Variants in USH2A observed in about 807,000 individuals in gnomAD.
USH2A encodes usherin, also known as Usher syndrome 2A (autosomal recessive, mild).
USH2A carries 443 observed loss-of-function variants against 538.9 expected under a neutral mutation model. That is an observed-to-expected ratio of 0.82 (90% CI 0.76 to 0.89). USH2A has a LOEUF of 0.89. USH2A is among the 40% of genes least tolerant of loss of function. USH2A has a pLI of 0.00. For missense variants in USH2A, 6,633 were observed against 6,324.8 expected (o/e 1.05, Z -1.65); for synonymous variants, 2,413 against 2,273.5 (o/e 1.06, Z -1.75).
At chr1:215,898,777 C>T (rs545233045) in intron 40 of USH2A, among the ~76,000 whole-genome samples, 9 of 152,234 alleles carry the variant, frequency 5.9e-5, no homozygotes, top group Non-Finnish European at 1.2e-4. Flanking sequence ...AGTGTGAAGT[C>T]TTCAGTCCAT....
intron 11 of USH2A, among the ~76,000 whole-genome samples, chr1:216,260,118 A>G (rs1396316885): frequency 6.6e-6 from 1 of 152,154 alleles, no homozygotes; most frequent in Non-Finnish European, 1.5e-5. Context: ...TGATACTTCA[A>G]TTAAAAAAAT....
At chr1:215,627,392 CCTTCCTT>C (rs1656070896) in intron 71 of USH2A, among the ~76,000 whole-genome samples, 2 of 32,494 alleles carry the variant, frequency 6.2e-5, no homozygotes, top group South Asian at 3.3e-3. Flanking sequence ...TTCTTTCCTT[CCTTCCTT>C]CCTTCCTTCC....
At chr1:215,837,443 T>A (rs1193847067) in intron 47 of USH2A, among the ~76,000 whole-genome samples, 1 of 152,176 alleles carries the variant, frequency 6.6e-6, no homozygotes, top group Non-Finnish European at 1.5e-5. Context: ...ATTATTGTTG[T>A]TGTTACTAAT....
intron 11 of USH2A, among the ~76,000 whole-genome samples, chr1:216,255,234 C>T (rs1414627547): frequency 2.0e-5 from 3 of 152,198 alleles, no homozygotes; most frequent in Admixed American, 2.0e-4. Flanking sequence ...ATGATCATCC[C>T]CATGAGATGC....
intron 65 of USH2A, 31 bp downstream of exon 65, chr1:215,650,561 C>G: frequency 1.2e-6 from 2 of 1,613,196 alleles, no homozygotes; most frequent in Non-Finnish European, 1.7e-6. Context: ...TAAAAGTCAA[C>G]CAGTCCTGGA....
At chr1:216,151,297 CA>C (rs1460587427) in intron 21 of USH2A, among the ~76,000 whole-genome samples, 2 of 152,080 alleles carry the variant, frequency 1.3e-5, no homozygotes, top group Non-Finnish European at 2.9e-5. Context: ...TTGCCTCGCA[CA>C]AGGTCTCTTC....
rs180994250 is a variant in USH2A at position 216,246,687 on chromosome 1, C to A, written c.2707G>T (p.Asp903Tyr). 29 of 1,614,128 alleles carry A rather than the reference C, an allele frequency of 1.8e-5. No individual in the cohort carries two copies. The African/African-American group carries it at 3.5e-4, about 19-fold the overall frequency. Residue 903 changes from aspartate (D) to tyrosine (Y), a missense_variant, in exon 13 of 72, where the codon GAT (aspartate) becomes TAT (tyrosine). Physicochemically the swap from Asp to Tyr is radical, Grantham distance 160 (BLOSUM62 -3). Transcript: ENST00000307340. ...NFQHCQMCECDSLGTLPGTIC... is the reference protein window; with the variant it reads ...NFQHCQMCECYSLGTLPGTIC... ...GTCCCAGGTAATGTCCCCAAGGAAT[C>A]ACACTCACACATCTGGCAGTGTTGA...
chr1:216,311,071 CGAG>C, intron 9 of USH2A, among the ~76,000 whole-genome samples: 1 of 152,266 alleles, frequency 6.6e-6, no homozygotes, highest in Middle Eastern at 3.4e-3. Flanking sequence ...GGGTTTGTGC[CGAG>C]GAGAACAGTG....
intron 70 of USH2A, among the ~76,000 whole-genome samples, chr1:215,631,833 G>A (rs1268911114): frequency 6.6e-6 from 1 of 152,190 alleles, no homozygotes; most frequent in African/African-American, 2.4e-5. Flanking sequence ...TGCAGGAACA[G>A]GGTGTTTACA....
At chr1:216,282,050 GTTAT>G (rs1229067417) in intron 11 of USH2A, among the ~76,000 whole-genome samples, 9 of 151,930 alleles carry the variant, frequency 5.9e-5, no homozygotes, top group South Asian at 2.1e-4. Flanking sequence ...TTAAAATTGA[GTTAT>G]TTGTCTTTTG....
At chr1:215,819,669 A>G (rs1212168961) in intron 47 of USH2A, among the ~76,000 whole-genome samples, 1 of 151,846 alleles carries the variant, frequency 6.6e-6, no homozygotes, top group Admixed American at 6.6e-5. Context: ...CTTATCCACA[A>G]AAGCTCGTGA....
chr1:216,210,370 C>T (rs889572375), intron 15 of USH2A, among the ~76,000 whole-genome samples: 1 of 152,046 alleles, frequency 6.6e-6, no homozygotes, highest in Non-Finnish European at 1.5e-5. Flanking sequence ...ACAAGTGTTT[C>T]TTGTTATTAG....
At chr1:215,832,853 A>T (rs755508841) in intron 47 of USH2A, among the ~76,000 whole-genome samples, 7 of 151,968 alleles carry the variant, frequency 4.6e-5, no homozygotes, top group Non-Finnish European at 7.4e-5. Flanking sequence ...CTTAAGACTT[A>T]CAAGGAGTTT....
At chr1:215,927,458 TA>T (rs1666264083) in intron 38 of USH2A, among the ~76,000 whole-genome samples, 1 of 152,092 alleles carries the variant, frequency 6.6e-6, no homozygotes, top group African/African-American at 2.4e-5. Context: ...GTTGGATAAA[TA>T]TATAGATAAA....
intron 11 of USH2A, among the ~76,000 whole-genome samples, chr1:216,280,345 C>T (rs878961254): frequency 6.6e-6 from 1 of 151,766 alleles, no homozygotes; most frequent in Admixed American, 6.6e-5. Context: ...TTCATGTATC[C>T]CTTTTGGATC....
chr1:216,087,903 G>A (rs1365773077), intron 23 of USH2A, among the ~76,000 whole-genome samples: 1 of 152,070 alleles, frequency 6.6e-6, no homozygotes. Flanking sequence ...AGCAGCTAGT[G>A]TGATCCTTTT....
chr1:216,246,901 C>T lies in USH2A; in HGVS notation c.2493G>A (p.Glu831=). 5 of 1,614,156 alleles carry T rather than the reference C, an allele frequency of 3.1e-6. No homozygotes were observed. Among genetic ancestry groups the T allele is most frequent in the African/African-American group, 2.7e-5 (2 of 75,062 alleles). ...VEGRQCNKCL[E]GNFYLRQNNS... is the part of the protein sequence containing the mutation. ...TATTTTGCCGTAGGTAGAAGTTTCC[C>T]TCCAAACATTTATTGCACTGTCTCC... Residue 831 remains glutamate (E), a synonymous_variant, in exon 13 of 72, where the codon GAG becomes GAA. Coordinates refer to ENST00000307340, the MANE Select transcript of USH2A (RefSeq NM_206933.4).
chr1:216,050,819 A>T (rs2030755578), intron 30 of USH2A, among the ~76,000 whole-genome samples: 3 of 150,850 alleles, frequency 2.0e-5, no homozygotes, highest in Admixed American at 2.0e-4. Context: ...GTTAGCCAGG[A>T]TGGTCTCGAT....
In USH2A at chr1:215,954,620, C is replaced by T. The variant is rs535018246; in HGVS notation, c.7120+10697G>A. Among the ~76,000 whole-genome samples the T allele has an allele frequency of 2.5e-3, 379 of 151,328 alleles. 3 individuals carry two copies. Among genetic ancestry groups the T allele is most frequent in the African/African-American group, 8.2e-3 (338 of 41,188 alleles). The stretch of plus-strand genomic sequence containing the variant: ...AGGAGATATACCCAGTGTTAAATGA[C>T]GAGCTAATGGGTGCAGCACACCAAC... On this transcript the variant is annotated intron_variant, in intron 37 of 71. Transcript: ENST00000307340.
Sources: allele counts gnomAD v4.1 joint callset (sites outside exome capture counted in the v4.1 genomes callset), GRCh38; gene constraint gnomAD v4.1.1; transcripts MANE v1.5; gene names NCBI Gene and HGNC (gene_info 2026-07-23, HGNC 2026-07-21).